ATRNL1: variants seen among roughly 807,000 people sequenced by gnomAD.
The protein encoded by ATRNL1 is attractin-like protein 1.
ATRNL1 carries 95 observed loss-of-function variants against 182.7 expected under a neutral mutation model. That is an observed-to-expected ratio of 0.52 (90% CI 0.44 to 0.62). The LOEUF is 0.62. ATRNL1 is among the 20% of genes least tolerant of loss of function. The pLI is 0.00. For missense variants in ATRNL1, 1,471 were observed against 1,679.5 expected, an observed-to-expected ratio of 0.88 and a Z score of 2.17; for synonymous variants, 576 against 568.3, an observed-to-expected ratio of 1.01 and a Z score of -0.19.
chr10:115,518,789 CT>C, intron 24 of ATRNL1, among the ~76,000 whole-genome samples: 1 of 151,860 alleles, frequency 6.6e-6, no homozygotes, highest in East Asian at 1.9e-4. Flanking sequence ...CTAGTTTCAC[CT>C]TTTAAAATTA....
At chr10:115,892,362 A>G (rs1479403333) in intron 28 of ATRNL1, among the ~76,000 whole-genome samples, 3 of 152,202 alleles carry the variant, frequency 2.0e-5, no homozygotes, top group Non-Finnish European at 4.4e-5. Context: ...TGTAATATAA[A>G]AACAATCTTC....
intron 9 of ATRNL1, among the ~76,000 whole-genome samples, chr10:115,237,180 A>C (rs1361413109): frequency 6.6e-6 from 1 of 152,152 alleles, no homozygotes; most frequent in African/African-American, 2.4e-5. Context: ...CCAAATTTTG[A>C]CAATTATGAA....
At chr10:115,292,745 T>A (rs1271724733) in intron 15 of ATRNL1, among the ~76,000 whole-genome samples, 1 of 152,178 alleles carries the variant, frequency 6.6e-6, no homozygotes, top group Non-Finnish European at 1.5e-5. Flanking sequence ...TTTTGATTTT[T>A]AAAAATTTGT....
At chr10:115,808,229 A>G (rs1949966696) in intron 27 of ATRNL1, among the ~76,000 whole-genome samples, 1 of 152,130 alleles carries the variant, frequency 6.6e-6, no homozygotes, top group African/African-American at 2.4e-5. Flanking sequence ...ACATTATTCG[A>G]AAGATGTTGC....
intron 26 of ATRNL1, among the ~76,000 whole-genome samples, chr10:115,601,259 A>G (rs74765353): frequency 0.012 from 1,811 of 152,286 alleles, 12 homozygotes; most frequent in Non-Finnish European, 0.02. Context: ...TAGACCATAT[A>G]CATATCATTG....
intron 17 of ATRNL1, among the ~76,000 whole-genome samples, chr10:115,314,654 T>A (rs1427471125): frequency 6.6e-6 from 1 of 152,216 alleles, no homozygotes; most frequent in African/African-American, 2.4e-5. Context: ...CTCAGCTTAA[T>A]GTAAGATGCT....
chr10:115,947,767 T>G lies in ATRNL1; in HGVS notation c.*2988T>G, dbSNP rs1224924060. ...GTTCATGGTATAAGGTCATTTAGGG[T>G]GCACACTGGCACACAGGCTGGAAAA... On this transcript the variant is annotated 3_prime_UTR_variant, in exon 29 of 29. Coordinates refer to ENST00000355044, the MANE Select transcript of ATRNL1 (RefSeq NM_207303.4). 1 of 152,186 alleles carries G rather than the reference T, an allele frequency of 6.6e-6. No homozygotes were observed. The highest frequency in any genetic ancestry group is 1.5e-5 in the Non-Finnish European group (1 of 68,038). The allele number at this position is 152,186 out of a possible 1,614,324, so 9.4% of individuals were successfully genotyped here.
At chr10:115,437,033 G>C (rs1254985878) in intron 21 of ATRNL1, among the ~76,000 whole-genome samples, 5 of 152,014 alleles carry the variant, frequency 3.3e-5, no homozygotes, top group Non-Finnish European at 7.4e-5. Context: ...TGTGGGATAG[G>C]GAGTAGGTGA....
At chr10:115,351,231 CTTTA>C (rs1251975607) in intron 19 of ATRNL1, among the ~76,000 whole-genome samples, 1 of 151,986 alleles carries the variant, frequency 6.6e-6, no homozygotes, top group Non-Finnish European at 1.5e-5. Context: ...TTTGGATGCT[CTTTA>C]TTTCTTTCTT....
intron 1 of ATRNL1, among the ~76,000 whole-genome samples, chr10:115,118,407 T>A (rs1357376713): frequency 6.6e-6 from 1 of 152,176 alleles, no homozygotes; most frequent in African/African-American, 2.4e-5. Context: ...GATAATGTTA[T>A]CTTTCTTTAG....
chr10:115,708,499 C>T (rs1593101610), intron 26 of ATRNL1, among the ~76,000 whole-genome samples: 1 of 151,656 alleles, frequency 6.6e-6, no homozygotes, highest in East Asian at 1.9e-4. Flanking sequence ...AATTTATAAA[C>T]TCTTTCTTCC....
intron 10 of ATRNL1, among the ~76,000 whole-genome samples, chr10:115,260,187 T>C (rs927988178): frequency 6.6e-6 from 1 of 152,232 alleles, no homozygotes; most frequent in Non-Finnish European, 1.5e-5. Flanking sequence ...GCAGGACTTG[T>C]GTACTTTAAA....
chr10:115,761,157 G>A (rs541329393), intron 27 of ATRNL1, among the ~76,000 whole-genome samples: 2 of 152,218 alleles, frequency 1.3e-5, no homozygotes, highest in South Asian at 4.1e-4. Context: ...GAAAATAATA[G>A]CAAAAGGCTA....
chr10:115,362,856 T>A (rs1319155270), intron 19 of ATRNL1, among the ~76,000 whole-genome samples: 2 of 150,918 alleles, frequency 1.3e-5, no homozygotes, highest in Non-Finnish European at 3.0e-5. Flanking sequence ...GAACTCATCA[T>A]TTTTTATGGC....
chr10:115,133,416 G>T (rs1261313126), intron 5 of ATRNL1, among the ~76,000 whole-genome samples: 2 of 152,146 alleles, frequency 1.3e-5, no homozygotes, highest in Admixed American at 1.3e-4. Flanking sequence ...TGATAAAACA[G>T]ACTTTAAACC....
chr10:115,223,677 G>T (rs1431693911), intron 9 of ATRNL1, among the ~76,000 whole-genome samples: 1 of 151,434 alleles, frequency 6.6e-6, no homozygotes, highest in Non-Finnish European at 1.5e-5. Context: ...GCATATACAT[G>T]GTTTCCAAGA....
chr10:115,794,783 T>C (rs1949611614), intron 27 of ATRNL1, among the ~76,000 whole-genome samples: 1 of 152,190 alleles, frequency 6.6e-6, no homozygotes, highest in Admixed American at 6.5e-5. Context: ...CAATATAAAA[T>C]TATTATTTTC....
intron 15 of ATRNL1, among the ~76,000 whole-genome samples, chr10:115,289,177 A>C (rs1387373891): frequency 3.3e-5 from 5 of 152,016 alleles, no homozygotes; most frequent in African/African-American, 1.2e-4. Flanking sequence ...AAACCATCAG[A>C]TCTTGTGAGA....
chr10:115,337,587 T>C (rs1855552929), intron 19 of ATRNL1, among the ~76,000 whole-genome samples: 1 of 152,152 alleles, frequency 6.6e-6, no homozygotes, highest in Admixed American at 6.5e-5. Context: ...TTACTGTCTA[T>C]GTTCATGAAT....
Sources: gnomAD v4.1 joint callset for allele counts (sites outside exome capture counted in the v4.1 genomes callset) on GRCh38, gnomAD v4.1.1 for gene constraint, MANE v1.5 for transcripts, NCBI Gene and HGNC (gene_info 2026-07-23, HGNC 2026-07-21) for gene names.